EPHA6: variants seen among roughly 807,000 people sequenced by gnomAD.
The protein encoded by EPHA6 is EPH receptor A6, also known as ephrin type-A receptor 6.
A neutral mutation model predicts 112.0 loss-of-function variants in EPHA6; 50 were observed. The ratio of observed to expected loss-of-function variants is 0.45; its 90% CI spans 0.36 to 0.56. The LOEUF is 0.56. EPHA6 is among the 20% of genes least tolerant of loss of function. The pLI is 0.00. For missense variants in EPHA6, 1,280 were observed against 1,417.4 expected (o/e 0.90, Z 1.56); for synonymous variants, 529 against 490.7 (o/e 1.08, Z -1.03).
At chr3:97,287,648 G>A (rs207463372) in intron 5 of EPHA6, among the ~76,000 whole-genome samples, 1 of 152,096 alleles carries the variant, frequency 6.6e-6, no homozygotes, top group Non-Finnish European at 1.5e-5. Flanking sequence ...GTCAGATGTT[G>A]TTTCTATCTA....
chr3:97,716,391 A>AC (rs1480398308), intron 14 of EPHA6, among the ~76,000 whole-genome samples: 8 of 130,456 alleles, frequency 6.1e-5, no homozygotes, highest in Non-Finnish European at 1.2e-4. Context: ...ACAAGGTGAA[A>AC]CCCCGTCTCT....
chr3:97,483,913 G>A lies in EPHA6; in HGVS notation c.2075-21G>A, dbSNP rs115441621. ...CTGAGATACTCAAACTAAATCAATCGTTTTGTTATTGTTGTTGCAGTGCGC... is the reference window on the plus strand; with the variant it reads ...CTGAGATACTCAAACTAAATCAATCATTTTGTTATTGTTGTTGCAGTGCGC... On this transcript the variant is annotated intron_variant, in intron 9 of 17. Transcript: ENST00000389672. 235 of 1,581,258 alleles carry A rather than the reference G, an allele frequency of 1.5e-4. No homozygotes were observed. The African/African-American group carries it at 2.9e-3, about 19-fold the overall frequency.
chr3:97,575,464 T>C (rs1354786820), intron 11 of EPHA6, among the ~76,000 whole-genome samples: 1 of 152,106 alleles, frequency 6.6e-6, no homozygotes, highest in Non-Finnish European at 1.5e-5. Flanking sequence ...ACCTTAAAAA[T>C]TCACAAAGTA....
Position 97,475,391 on chromosome 3 carries a change from T to C in EPHA6, c.1934T>C (p.Ile645Thr), listed in dbSNP as rs1262373392. ...MAAEQGQILV[I>T]ATAAVGGFTL... ...GCAGAACAAGGACAGATTCTCGTGA[T>C]AGCCACCGCCGCTGTTGGCGGATTC... The change falls in exon 8 of 18, where the codon ATA becomes ACA. Residue 645 changes from isoleucine (I) to threonine (T), a missense_variant. Transcript: ENST00000389672. 7.4e-6 allele frequency: 12 copies of C among 1,612,090 alleles called. No individual in the cohort carries two copies. The East Asian group carries it at 1.6e-4, about 21-fold the overall frequency.
At chr3:97,080,346 G>GTT (rs140264333) in intron 3 of EPHA6, among the ~76,000 whole-genome samples, 1 of 151,856 alleles carries the variant, frequency 6.6e-6, no homozygotes, top group South Asian at 2.1e-4. Flanking sequence ...TTCATATACT[G>GTT]TTTTTTTCTT....
At position 97,758,790 on chromosome 3, in the gene EPHA6, G is replaced by T. The variant is rs900946242; in HGVS notation, c.*10089G>T. 6.6e-6 allele frequency among the ~76,000 whole-genome samples: 1 copy of T among 151,816 alleles called. No individual in the cohort carries two copies. Among genetic ancestry groups the T allele is most frequent in the Non-Finnish European group, 1.5e-5 (1 of 67,872 alleles). ...GGGGGAAGAGCATTACAAGCAGAGG[G>T]AAAATTTAATGAATGAAATTACAAG... is the stretch of plus-strand genomic sequence containing the variant. On this transcript the variant is annotated 3_prime_UTR_variant, in exon 18 of 18. Transcript: ENST00000389672.
At chr3:97,447,155 A>G (rs1452542527) in intron 6 of EPHA6, among the ~76,000 whole-genome samples, 1 of 152,180 alleles carries the variant, frequency 6.6e-6, no homozygotes, top group Non-Finnish European at 1.5e-5. Flanking sequence ...AAGTTTAAAA[A>G]TGATCCTTAA....
At chr3:96,980,356 G>C (rs2042713238) in intron 2 of EPHA6, among the ~76,000 whole-genome samples, 1 of 152,074 alleles carries the variant, frequency 6.6e-6, no homozygotes, top group African/African-American at 2.4e-5. Context: ...AAGATCAGAT[G>C]GTTGTAGATG....
At chr3:97,717,622 C>G (rs1157829095) in intron 14 of EPHA6, among the ~76,000 whole-genome samples, 1 of 152,124 alleles carries the variant, frequency 6.6e-6, no homozygotes, top group African/African-American at 2.4e-5. Context: ...GGGCCATACC[C>G]TTATAATTTT....
At chr3:96,980,994 A>C (rs2107816951) in intron 2 of EPHA6, among the ~76,000 whole-genome samples, 1 of 152,318 alleles carries the variant, frequency 6.6e-6, no homozygotes, top group Middle Eastern at 3.4e-3. Flanking sequence ...TGTCATCTGC[A>C]AACAGGGACA....
At chr3:97,492,508 C>T (rs1370977172) in intron 10 of EPHA6, among the ~76,000 whole-genome samples, 1 of 127,208 alleles carries the variant, frequency 7.9e-6, no homozygotes, top group African/African-American at 2.9e-5. Context: ...TGCCACTGCA[C>T]TCCATCCTGG....
chr3:97,529,265 A>G (rs2092667959), intron 10 of EPHA6, among the ~76,000 whole-genome samples: 1 of 152,098 alleles, frequency 6.6e-6, no homozygotes, highest in African/African-American at 2.4e-5. Context: ...TAGGTACTTT[A>G]CTTAGCTTAC....
chr3:97,036,647 C>G (rs1263451491), intron 3 of EPHA6, among the ~76,000 whole-genome samples: 1 of 151,976 alleles, frequency 6.6e-6, no homozygotes, highest in Non-Finnish European at 1.5e-5. Context: ...AAGTGACATT[C>G]TTGAGCTCTA....
chr3:97,342,506 A>G (rs1423012394), intron 5 of EPHA6, among the ~76,000 whole-genome samples: 1 of 152,208 alleles, frequency 6.6e-6, no homozygotes, highest in African/African-American at 2.4e-5. Context: ...TATGGTGTGT[A>G]GCCTCAGGCT....
chr3:96,937,674 T>C (rs1344774566), intron 2 of EPHA6, among the ~76,000 whole-genome samples: 3 of 152,166 alleles, frequency 2.0e-5, no homozygotes, highest in Admixed American at 6.6e-5. Flanking sequence ...AGACATGAAG[T>C]CCTTGCCCAT....
chr3:96,872,730 G>C (rs181889449), intron 2 of EPHA6, among the ~76,000 whole-genome samples: 1 of 151,928 alleles, frequency 6.6e-6, no homozygotes, highest in Admixed American at 6.6e-5. Flanking sequence ...TTCTTAAGGT[G>C]TTTGAGTCTT....
In EPHA6 at chr3:97,314,476, G is replaced by A. The variant is rs573203639; in HGVS notation, c.1606+70189G>A. 3.3e-5 allele frequency among the ~76,000 whole-genome samples: 5 copies of A among 151,636 alleles called. No individual in the cohort carries two copies. The South Asian group carries it at 8.3e-4, about 25-fold the overall frequency. On this transcript the variant is annotated intron_variant, in intron 5 of 17. Coordinates refer to ENST00000389672, the MANE Select transcript of EPHA6 (RefSeq NM_001080448.3). The stretch of plus-strand genomic sequence containing the variant: ...CAAACTCACTAGAAACCATTCTAAG[G>A]ATTATAATCAATGTCTTAGATTTTC...
intron 3 of EPHA6, among the ~76,000 whole-genome samples, chr3:97,020,645 C>G (rs948920178): frequency 6.6e-6 from 1 of 152,110 alleles, no homozygotes; most frequent in African/African-American, 2.4e-5. Flanking sequence ...TGTGAGTTAC[C>G]CAAAAAAGGT....
intron 13 of EPHA6, among the ~76,000 whole-genome samples, chr3:97,630,406 G>C (rs1009606700): frequency 1.3e-5 from 2 of 151,838 alleles, no homozygotes; most frequent in Admixed American, 1.3e-4. Context: ...GAGTGATTTG[G>C]TGTTTTGAAA....
Sources: gnomAD v4.1 joint callset for allele counts (sites outside exome capture counted in the v4.1 genomes callset) on GRCh38, gnomAD v4.1.1 for gene constraint, MANE v1.5 for transcripts, NCBI Gene and HGNC (gene_info 2026-07-23, HGNC 2026-07-21) for gene names.